Variants in DLG2 observed in about 807,000 individuals in gnomAD.
DLG2 encodes discs large MAGUK scaffold protein 2, also known as disks large homolog 2.
Under a neutral mutation model 132.5 loss-of-function variants are expected in DLG2, and 45 were observed. That is an observed-to-expected ratio of 0.34 (90% confidence interval 0.27 to 0.44). The LOEUF (loss-of-function observed/expected upper bound fraction) is 0.44. Ranked by LOEUF, DLG2 falls within the 20% of genes least tolerant of loss-of-function variation. The probability of loss-of-function intolerance (pLI) is 1.00; values close to 1 mark genes in which losing one functional copy is unlikely to be tolerated. For synonymous variants in DLG2, 424 were observed against 419.6 expected (o/e 1.01, Z -0.13); for missense variants, 1,045 against 1,196.9 (o/e 0.87, Z 1.87).
At chr11:83,521,153 C>T (rs1319277101) in intron 21 of DLG2, among the ~76,000 whole-genome samples, 4 of 152,170 alleles carry the variant, frequency 2.6e-5, no homozygotes, top group Non-Finnish European at 5.9e-5. Flanking sequence ...ATTCATGGAC[C>T]TCCAAAGAAC....
intron 8 of DLG2, among the ~76,000 whole-genome samples, chr11:84,204,168 G>A: frequency 6.6e-6 from 1 of 152,092 alleles, no homozygotes; most frequent in Non-Finnish European, 1.5e-5. Flanking sequence ...TGTTTGTCAG[G>A]CTGGTCTCGA....
chr11:84,174,842 T>C (rs1181837554), intron 8 of DLG2, among the ~76,000 whole-genome samples: 1 of 152,238 alleles, frequency 6.6e-6, no homozygotes, highest in Non-Finnish European at 1.5e-5. Context: ...CTGCAGCTAC[T>C]ATTGCTACTA....
chr11:83,997,662 C>CGGAGAT (rs1275896236), intron 11 of DLG2, among the ~76,000 whole-genome samples: 2 of 139,206 alleles, frequency 1.4e-5, no homozygotes, highest in Non-Finnish European at 3.0e-5. Flanking sequence ...ACCCAGGAGG[C>CGGAGAT]GGAGATTGCA....
chr11:83,945,806 CTGTGTGTGTGTGTG>C lies in DLG2; in HGVS notation c.1341-15337_1341-15324del, dbSNP rs56913664. On this transcript the variant is annotated intron_variant, in intron 14 of 27. Coordinates refer to ENST00000376104, the MANE Select transcript of DLG2 (RefSeq NM_001142699.3). ...AATTTATCCTATGAGAGAAATGCCT[CTGTGTGTGTGTGTG>C]TGTGTGTGTGTGTGTGTGTGTGTGT... Among the ~76,000 whole-genome samples, 162 of 136,374 alleles carry C rather than the reference CTGTGTGTGTGTGTG, an allele frequency of 1.2e-3. 6 individuals carry two copies. The South Asian group carries it at 0.032, about 27-fold the overall frequency. 89.5% of individuals were successfully genotyped at this position (136,374 alleles called of 152,430 possible). A position where few individuals can be genotyped will look rare whatever the true frequency, so the allele number is the denominator to read the frequency against.
chr11:85,205,713 T>C (rs914900316), intron 4 of DLG2, among the ~76,000 whole-genome samples: 4 of 152,138 alleles, frequency 2.6e-5, no homozygotes, highest in Non-Finnish European at 5.9e-5. Flanking sequence ...AAGTTCCCTA[T>C]GGGATTCAAA....
chr11:84,039,301 G>A (rs2095981448), intron 11 of DLG2, among the ~76,000 whole-genome samples: 1 of 148,916 alleles, frequency 6.7e-6, no homozygotes, highest in South Asian at 2.1e-4. Context: ...CATGTGCCAT[G>A]TTGGTGCGCT....
At chr11:85,266,065 C>T (rs146958357) in intron 4 of DLG2, among the ~76,000 whole-genome samples, 21 of 152,346 alleles carry the variant, frequency 1.4e-4, no homozygotes, top group Admixed American at 5.9e-4. Context: ...CTCCATGCAA[C>T]GAGGCAAAGG....
intron 7 of DLG2, among the ~76,000 whole-genome samples, chr11:84,486,654 T>C (rs2099151710): frequency 6.6e-6 from 1 of 152,094 alleles, no homozygotes; most frequent in African/African-American, 2.4e-5. Flanking sequence ...TTCGAGCAAA[T>C]GCAGGAAAAA....
chr11:83,590,833 C>A (rs2097175688), intron 19 of DLG2, among the ~76,000 whole-genome samples: 1 of 152,084 alleles, frequency 6.6e-6, no homozygotes, highest in Admixed American at 6.5e-5. Context: ...CACAGAAATA[C>A]AAACTACCAT....
intron 7 of DLG2, among the ~76,000 whole-genome samples, chr11:84,440,205 T>C (rs1840326755): frequency 6.6e-6 from 1 of 152,220 alleles, no homozygotes; most frequent in Non-Finnish European, 1.5e-5. Context: ...ATTTAACTTA[T>C]GACAGTAATA....
At chr11:84,059,073 T>C (rs1012322700) in intron 11 of DLG2, among the ~76,000 whole-genome samples, 3 of 152,126 alleles carry the variant, frequency 2.0e-5, no homozygotes, top group Non-Finnish European at 2.9e-5. Flanking sequence ...AAAACATAGA[T>C]GACTGTTAAT....
At chr11:84,010,318 T>TA (rs398115570) in intron 11 of DLG2, among the ~76,000 whole-genome samples, 8 of 151,190 alleles carry the variant, frequency 5.3e-5, no homozygotes, top group African/African-American at 1.2e-4. Flanking sequence ...TTATTATTAT[T>TA]TTTGAGACCG....
At chr11:84,170,848 C>T (rs1186900095) in intron 8 of DLG2, among the ~76,000 whole-genome samples, 2 of 152,166 alleles carry the variant, frequency 1.3e-5, no homozygotes, top group African/African-American at 2.4e-5. Flanking sequence ...CAGGGCTTTT[C>T]TTCCCATCTA....
intron 3 of DLG2, among the ~76,000 whole-genome samples, chr11:85,454,738 C>A (rs1294445772): frequency 6.6e-6 from 1 of 152,064 alleles, no homozygotes; most frequent in African/African-American, 2.4e-5. Context: ...CAGTTTCAAT[C>A]TTCTGAATAT....
In DLG2 at chr11:84,944,507, G is replaced by A. The variant is rs138342930; in HGVS notation, c.357+167154C>T. ...TTTTTTCTTCTGCTTGATCAGTTCC[G>A]CTGTTGAGAGACTCTTATGCATTGT... On this transcript the variant is annotated intron_variant, in intron 6 of 27. Transcript: ENST00000376104. Among the ~76,000 whole-genome samples, 37 of 151,432 alleles carry A rather than the reference G, an allele frequency of 2.4e-4. No homozygotes were observed. In the East Asian group the frequency reaches 4.9e-3, roughly 20 times the overall value.
At chr11:85,410,043 CTAGA>C (rs2089173329) in intron 3 of DLG2, among the ~76,000 whole-genome samples, 1 of 151,786 alleles carries the variant, frequency 6.6e-6, no homozygotes. Flanking sequence ...GCATAGCATA[CTAGA>C]ATCTTTTATT....
chr11:85,607,263 C>G (rs1156601823), intron 2 of DLG2, among the ~76,000 whole-genome samples: 1 of 152,180 alleles, frequency 6.6e-6, no homozygotes, highest in Non-Finnish European at 1.5e-5. Context: ...CAAACCCCGA[C>G]TCTTCAGAGT....
chr11:83,849,798 G>A (rs987499945), intron 16 of DLG2, among the ~76,000 whole-genome samples: 3 of 148,558 alleles, frequency 2.0e-5, no homozygotes, highest in Non-Finnish European at 4.4e-5. Flanking sequence ...CATTTATAAC[G>A]CGAATTTCTT....
chr11:84,472,427 A>C (rs1456431883), intron 7 of DLG2, among the ~76,000 whole-genome samples: 1 of 151,992 alleles, frequency 6.6e-6, no homozygotes, highest in African/African-American at 2.4e-5. Context: ...TGTCTCGATA[A>C]GTTTAATATT....
Sources: gnomAD v4.1 joint callset for allele counts (sites outside exome capture counted in the v4.1 genomes callset) on GRCh38, gnomAD v4.1.1 for gene constraint, MANE v1.5 for transcripts, NCBI Gene and HGNC (gene_info 2026-07-23, HGNC 2026-07-21) for gene names.